PEX10: variants seen among roughly 807,000 people sequenced by gnomAD.
PEX10 encodes the protein peroxisomal biogenesis factor 10, also known as peroxisome biogenesis factor 10.
In PEX10, 32 loss-of-function variants were observed where a neutral mutation model predicts 38.0. That is an observed-to-expected ratio of 0.84 (90% CI 0.63 to 1.13). The LOEUF (loss-of-function observed/expected upper bound fraction) is 1.13. PEX10 is among the 50% of genes most tolerant of loss of function. The pLI, the probability that PEX10 is intolerant of heterozygous loss-of-function variation, is 0.00. For synonymous variants in PEX10, 206 were observed against 207.3 expected, an observed-to-expected ratio of 0.99 and a Z score of 0.05; for missense variants, 483 against 457.7, an observed-to-expected ratio of 1.06 and a Z score of -0.51.
Position 2,408,572 on chromosome 1 carries a change from C to T in PEX10, c.480G>A (p.Leu160=), listed in dbSNP as rs749540064. 6.2e-7 allele frequency: 1 copy of T among 1,612,090 alleles called. No individual in the cohort carries two copies. Among genetic ancestry groups the T allele is most frequent in the Non-Finnish European group, 8.5e-7 (1 of 1,179,966 alleles). Residue 160 remains leucine, a synonymous_variant, in exon 3 of 6, where the codon CTG becomes CTA. Coordinates refer to ENST00000447513, the MANE Select transcript of PEX10 (RefSeq NM_002617.4). ...ATLTEQQRRA[L]LRAVFVLRQG... is the part of the protein sequence containing the mutation. ...GTCTGAGGACGAAGACCGCCCGCAG[C>T]AGCGCCCTCCTCTGCTGCTCAGTCA...
At position 2,412,406 on chromosome 1, in the gene PEX10, G is replaced by A. The variant is rs994343573; in HGVS notation, c.97C>T (p.Leu33=). The change falls in exon 1 of 6, where the codon CTG becomes TTG. Residue 33 remains leucine, a synonymous_variant. Coordinates refer to ENST00000447513, the MANE Select transcript of PEX10 (RefSeq NM_002617.4). ...GGLRSAAGGA[L]HSLAGARKWL... is the part of the protein sequence containing the mutation. ...CGGCCCTCACCCGCCAGGCTGTGCA[G>A]GGCGCCGCCCGCCGCGCTCCGCAGC... 4 of 1,405,890 alleles carry A rather than the reference G, an allele frequency of 2.8e-6. No homozygotes were observed. Among genetic ancestry groups the A allele is most frequent in the Non-Finnish European group, 2.8e-6 (3 of 1,084,128 alleles). The allele number at this position is 1,405,890 out of a possible 1,614,324, so 87.1% of individuals were successfully genotyped here.
At chr1:2,408,332 G>A in intron 3 of PEX10, 120 bp downstream of exon 3, 4 of 1,095,380 alleles carry the variant, frequency 3.7e-6, no homozygotes, top group East Asian at 2.4e-5. Flanking sequence ...TGACACAGAT[G>A]CTGGATGTAG....
Position 2,410,240 on chromosome 1 carries a change from A to G in PEX10, c.193+131T>C. ...CCTCCCTCGGAGCAGTACCTCCTGC[A>G]CTTCCCTGAAGCAACCTCACCCGGG... is the stretch of plus-strand genomic sequence containing the variant. On this transcript the variant is annotated intron_variant, in intron 2 of 5. Coordinates refer to ENST00000447513, the MANE Select transcript of PEX10 (RefSeq NM_002617.4). This position sits in a 1 kb window ranked among gnomAD's most constrained non-coding sequence, Gnocchi z 5.1. 3 of 784,922 alleles carry G rather than the reference A, an allele frequency of 3.8e-6. No individual in the cohort carries two copies. Among genetic ancestry groups the G allele is most frequent in the South Asian group, 1.4e-5 (1 of 69,252 alleles). The allele number at this position is 784,922 out of a possible 1,614,324, so 48.6% of individuals were successfully genotyped here. A position where few individuals can be genotyped will look rare whatever the true frequency, so the allele number is the denominator to read the frequency against.
chr1:2,408,904 G>C lies in PEX10; in HGVS notation c.194-46C>G, dbSNP rs773433357. 13 of 1,589,174 alleles carry C rather than the reference G, an allele frequency of 8.2e-6. No homozygotes were observed. In the African/African-American group the frequency reaches 9.4e-5, roughly 12 times the overall value. On this transcript the variant is annotated intron_variant, in intron 2 of 5. Transcript: ENST00000447513. ...ATGTGGACCCTGAGACTGCTGCCGCGGGGACAGGCTCCCGGCGCCCCTGCC... is the reference window on the plus strand; with the variant it reads ...ATGTGGACCCTGAGACTGCTGCCGCCGGGACAGGCTCCCGGCGCCCCTGCC...
At chr1:2,412,966 G>A (rs572664807), upstream of PEX10, among the ~76,000 whole-genome samples, 212 of 152,360 alleles carry the variant, frequency 1.4e-3, 1 homozygote, top group Middle Eastern at 0.021. Context: ...CTGGGGAGAC[G>A]GAGGCTTTCG....
rs893034863 is a variant in PEX10, at chr1:2,409,396, C to T, written c.194-538G>A. On this transcript the variant is annotated intron_variant, in intron 2 of 5. Coordinates refer to ENST00000447513, the MANE Select transcript of PEX10 (RefSeq NM_002617.4). This position sits in a 1 kb window ranked among gnomAD's most constrained non-coding sequence, Gnocchi z 6.2. ...CCCCCACCCAGAAAAGCCTGCTCCCCGTTTCCATCTCTGTGGATGGCAACG... is the reference window on the plus strand; with the variant it reads ...CCCCCACCCAGAAAAGCCTGCTCCCTGTTTCCATCTCTGTGGATGGCAACG... Among the ~76,000 whole-genome samples, 2 of 152,184 alleles carry T rather than the reference C, an allele frequency of 1.3e-5. No homozygotes were observed. Among genetic ancestry groups the T allele is most frequent in the South Asian group, 2.1e-4 (1 of 4,834 alleles).
At chr1:2,406,149 GT>G (rs1400178569) in intron 5 of PEX10, among the ~76,000 whole-genome samples, 1 of 152,188 alleles carries the variant, frequency 6.6e-6, no homozygotes, top group East Asian at 1.9e-4. Context: ...GGCATCTTCG[GT>G]GGGTGTGAGT....
Position 2,405,707 on chromosome 1 carries a change from A to G in PEX10, c.*59T>C, listed in dbSNP as rs1570095651. The G allele has an allele frequency of 7.0e-7, 1 of 1,418,864 alleles. No homozygotes were observed. The highest frequency in any genetic ancestry group is 2.5e-5 in the East Asian group (1 of 40,676). 87.9% of individuals were successfully genotyped at this position (1,418,864 alleles called of 1,614,324 possible). A position where few individuals can be genotyped will look rare whatever the true frequency, so the allele number is the denominator to read the frequency against. ...CAAGCAAGGTTAATCCTGAGACTAA[A>G]TCTTGGCGTTCAGACTCCCGTAGAG... On this transcript the variant is annotated 3_prime_UTR_variant, in exon 6 of 6. Coordinates refer to ENST00000447513, the MANE Select transcript of PEX10 (RefSeq NM_002617.4).
In PEX10 at chr1:2,410,783, A is replaced by G. The variant is rs1643168450; in HGVS notation, c.113-332T>C. On this transcript the variant is annotated intron_variant, in intron 1 of 5. Transcript: ENST00000447513. The surrounding 1 kb of genome is among the most constrained non-coding windows in gnomAD (Gnocchi z 5.1). ...ATTACAGGCCAGAGGCCAACTGTCTAGCATCAAAAAGCAGCTCTCCAACTT... is the reference window on the plus strand; with the variant it reads ...ATTACAGGCCAGAGGCCAACTGTCTGGCATCAAAAAGCAGCTCTCCAACTT... 2.1e-6 allele frequency: 1 copy of G among 482,028 alleles called. No individual in the cohort carries two copies. Among genetic ancestry groups the G allele is most frequent in the South Asian group, 1.5e-5 (1 of 64,830 alleles). 29.9% of individuals were successfully genotyped at this position (482,028 alleles called of 1,614,324 possible).
Position 2,408,614 on chromosome 1 carries a change from A to C in PEX10, c.438T>G (p.Arg146=). The C allele has an allele frequency of 6.2e-7, 1 of 1,611,222 alleles. No homozygotes were observed. Among genetic ancestry groups the C allele is most frequent in the African/African-American group, 1.3e-5 (1 of 75,048 alleles). Residue 146 remains arginine, a synonymous_variant, in exon 3 of 6, where the codon CGT becomes CGG. Transcript: ENST00000447513. Reference sequence around the variant, plus strand: ...GCTCAGTCAGGGTGGCCGTGTGGTGACGCATCCAGCGCCGCGCCCCTGAGC... The same window carrying C: ...GCTCAGTCAGGGTGGCCGTGTGGTGCCGCATCCAGCGCCGCGCCCCTGAGC... ...RGCSGARRWM[R]HHTATLTEQQ... is the part of the protein sequence containing the mutation.
In PEX10 at chr1:2,410,465, C is replaced by CA. The variant is rs780495120; in HGVS notation, c.113-15dup. 6.2e-7 allele frequency: 1 copy of CA among 1,612,716 alleles called. No individual in the cohort carries two copies. The highest frequency in any genetic ancestry group is 1.7e-5 in the Admixed American group (1 of 59,992). On this transcript the variant is annotated splice_polypyrimidine_tract_variant and intron_variant, in intron 1 of 5. Transcript: ENST00000447513. This position sits in a 1 kb window ranked among gnomAD's most constrained non-coding sequence, Gnocchi z 5.1. ...ACTTCCTCGCACCTGAGAGGAGAAACAGTATTAGTCCGGGGGAGCTGGTGG... is the reference window on the plus strand; with the variant it reads ...ACTTCCTCGCACCTGAGAGGAGAAACAAGTATTAGTCCGGGGGAGCTGGTGG...
rs755981829 is a variant in PEX10, at chr1:2,410,582, C to G, written c.113-131G>C. The G allele has an allele frequency of 1.3e-6, 1 of 766,702 alleles. No homozygotes were observed. Among genetic ancestry groups the G allele is most frequent in the Non-Finnish European group, 2.2e-6 (1 of 446,860 alleles). The allele number at this position is 766,702 out of a possible 1,614,324, so 47.5% of individuals were successfully genotyped here. A position where few individuals can be genotyped will look rare whatever the true frequency, so the allele number is the denominator to read the frequency against. On this transcript the variant is annotated intron_variant, in intron 1 of 5. Transcript: ENST00000447513. This position sits in a 1 kb window ranked among gnomAD's most constrained non-coding sequence, Gnocchi z 5.1. The stretch of plus-strand genomic sequence containing the variant: ...CTTCCATGAAGCCAACACTCACTCC[C>G]TGGCCTCCCTCTCTGCTTCTGTCTC...
chr1:2,405,761 C>T lies in PEX10; in HGVS notation c.*5G>A, dbSNP rs753569980. 1 of 1,598,466 alleles carries T rather than the reference C, an allele frequency of 6.3e-7. No homozygotes were observed. Among genetic ancestry groups the T allele is most frequent in the South Asian group, 1.1e-5 (1 of 88,164 alleles). On this transcript the variant is annotated 3_prime_UTR_variant, in exon 6 of 6. Coordinates refer to ENST00000447513, the MANE Select transcript of PEX10 (RefSeq NM_002617.4). ...ATCTGTGTCCAGGCCCACCCGGGCG[C>T]CGGCTCAGCGGTAGTGCCGAAGGTA... is the stretch of plus-strand genomic sequence containing the variant.
chr1:2,412,045 C>T (rs1023266520), intron 1 of PEX10, among the ~76,000 whole-genome samples: 2 of 152,264 alleles, frequency 1.3e-5, no homozygotes, highest in African/African-American at 4.8e-5. Flanking sequence ...GCTTGAAGCA[C>T]TTGCCAAGGC....
intron 1 of PEX10, 63 bp downstream of exon 1, chr1:2,412,328 C>T (rs1254980339): frequency 2.3e-6 from 3 of 1,296,678 alleles, no homozygotes; most frequent in African/African-American, 1.6e-5. Flanking sequence ...GACACCCCGC[C>T]TCCATGAGGG....
chr1:2,405,206 C>A lies in PEX10; in HGVS notation c.*560G>T, dbSNP rs759617739. ...GGCCTTGGTTGGTTTCTCTCTGCCCCGTGTGGTCATCAAGTCCTGGGGGAT... is the reference window on the plus strand; with the variant it reads ...GGCCTTGGTTGGTTTCTCTCTGCCCAGTGTGGTCATCAAGTCCTGGGGGAT... On this transcript the variant is annotated 3_prime_UTR_variant, in exon 6 of 6. Transcript: ENST00000447513. The A allele has an allele frequency of 1.6e-4, 32 of 205,808 alleles. No individual in the cohort carries two copies. Among genetic ancestry groups the A allele is most frequent in the Non-Finnish European group, 2.7e-4 (27 of 100,042 alleles). 12.7% of individuals were successfully genotyped at this position (205,808 alleles called of 1,614,324 possible). A position where few individuals can be genotyped will look rare whatever the true frequency, so the allele number is the denominator to read the frequency against.
rs374371284 is a variant in PEX10 at position 2,406,485 on chromosome 1, T to C, written c.911A>G (p.Lys304Arg). The change falls in exon 5 of 6, where the codon AAG (lysine) becomes AGG (arginine). Residue 304 changes from lysine to arginine, a missense_variant and splice_region_variant. Lys to Arg is a conservative substitution (Grantham distance 26). Transcript: ENST00000447513. ...GACGGCAGCAGGCTCCCACCTCACCTTGCTGCTGCACCACGCGGTGATGCA... is the reference window on the plus strand; with the variant it reads ...GACGGCAGCAGGCTCCCACCTCACCCTGCTGCTGCACCACGCGGTGATGCA... The part of the protein sequence containing the change: ...WECITAWCSS[K>R]AECPLCREKF... 6.8e-6 allele frequency: 11 copies of C among 1,611,598 alleles called. No individual in the cohort carries two copies. Among genetic ancestry groups the C allele is most frequent in the African/African-American group, 1.3e-5 (1 of 74,890 alleles).
At position 2,405,581 on chromosome 1, in the gene PEX10, G is replaced by C; in HGVS notation, c.*185C>G. The C allele has an allele frequency of 4.2e-6, 3 of 709,076 alleles. No homozygotes were observed. Among genetic ancestry groups the C allele is most frequent in the Non-Finnish European group, 5.1e-6 (2 of 393,214 alleles). 43.9% of individuals were successfully genotyped at this position (709,076 alleles called of 1,614,324 possible). ...GTTCTGGGTTCAGGCGCCCCTCCCA[G>C]GGCTGAGAAAGCGCAGCCAGGGACA... On this transcript the variant is annotated 3_prime_UTR_variant, in exon 6 of 6. Coordinates refer to ENST00000447513, the MANE Select transcript of PEX10 (RefSeq NM_002617.4).
Position 2,405,187 on chromosome 1 carries a change from G to A in PEX10, c.*579C>T, listed in dbSNP as rs766283608. On this transcript the variant is annotated 3_prime_UTR_variant, in exon 6 of 6. Coordinates refer to ENST00000447513, the MANE Select transcript of PEX10 (RefSeq NM_002617.4). ...TGCTTCCGACGGAGGTGCTGGCCTT[G>A]GTTGGTTTCTCTCTGCCCCGTGTGG... is the stretch of plus-strand genomic sequence containing the variant. 5 of 181,236 alleles carry A rather than the reference G, an allele frequency of 2.8e-5. No homozygotes were observed. The highest frequency in any genetic ancestry group is 4.7e-5 in the Non-Finnish European group (4 of 84,414). 11.2% of individuals were successfully genotyped at this position (181,236 alleles called of 1,614,324 possible).
Sources: gnomAD v4.1 joint callset for allele counts (sites outside exome capture counted in the v4.1 genomes callset) on GRCh38, gnomAD v4.1.1 for gene constraint, Gnocchi (gnomAD v3.1) non-coding constraint, MANE v1.5 for transcripts, NCBI Gene and HGNC (gene_info 2026-07-23, HGNC 2026-07-21) for gene names.